The following EYS variants were observed in gnomAD, a reference collection of about 807,000 sequenced individuals.
The protein encoded by EYS is EGF-like photoreceptor maintenance factor.
EYS carries 250 observed loss-of-function variants against 282.1 expected under a neutral mutation model. That is an observed-to-expected ratio of 0.89 (90% confidence interval 0.80 to 0.98). The LOEUF is 0.98. Among genes scored for constraint, EYS ranks in the 50% least tolerant of loss-of-function variants. EYS has a pLI of 0.00. For missense variants in EYS, 4,016 were observed against 3,709.0 expected, an observed-to-expected ratio of 1.08 and a Z score of -2.15; for synonymous variants, 1,355 against 1,282.9, an observed-to-expected ratio of 1.06 and a Z score of -1.20.
chr6:64,269,898 A>G (rs1305031589), intron 30 of EYS, among the ~76,000 whole-genome samples: 1 of 152,028 alleles, frequency 6.6e-6, no homozygotes, highest in Non-Finnish European at 1.5e-5. Context: ...ACATATTTTG[A>G]CTTTGTAGTA....
At chr6:64,658,141 C>A (rs571084005) in intron 22 of EYS, among the ~76,000 whole-genome samples, 472 of 152,272 alleles carry the variant, frequency 3.1e-3, no homozygotes, top group Non-Finnish European at 5.1e-3. Flanking sequence ...TTCCAGTTAA[C>A]AAATCGGCTA....
At chr6:65,329,602 A>G (rs913477951) in intron 11 of EYS, 1 of 981,368 alleles carries the variant, frequency 1.0e-6, no homozygotes, top group Non-Finnish European at 1.2e-6. Flanking sequence ...ATATACCCAC[A>G]TAAAACTTTT....
intron 28 of EYS, among the ~76,000 whole-genome samples, chr6:64,420,834 C>A (rs1484829105): frequency 6.6e-6 from 1 of 152,180 alleles, no homozygotes; most frequent in East Asian, 1.9e-4. Context: ...CATCTGAGAC[C>A]ACCTCAGCCT....
chr6:63,863,670 T>TTTCTTTTCTTTTCTTTTCTTTTCTTTTC (rs4034985), intron 36 of EYS, among the ~76,000 whole-genome samples: 6 of 71,296 alleles, frequency 8.4e-5, no homozygotes, highest in South Asian at 4.1e-4. Flanking sequence ...TTTCTTTTCT[T>TTTCTTTTCTTTTCTTTTCTTTTCTTTTC]TTTTCTTTTT....
At chr6:65,301,941 T>C (rs1318628825) in intron 11 of EYS, among the ~76,000 whole-genome samples, 117 of 152,190 alleles carry the variant, frequency 7.7e-4, no homozygotes, top group African/African-American at 2.7e-3. Flanking sequence ...TCCTGGAAAA[T>C]TGACTAGTAT....
At chr6:64,321,502 G>C (rs1262895682) in intron 29 of EYS, among the ~76,000 whole-genome samples, 1 of 151,826 alleles carries the variant, frequency 6.6e-6, no homozygotes, top group Non-Finnish European at 1.5e-5. Context: ...ATTATGGTGA[G>C]TAAATTAATG....
chr6:64,765,860 G>A (rs959641900), intron 22 of EYS, among the ~76,000 whole-genome samples: 3 of 151,912 alleles, frequency 2.0e-5, no homozygotes, highest in African/African-American at 7.2e-5. Context: ...AACTTGAGAT[G>A]AGATTCTGGT....
chr6:64,977,288 T>C (rs1770501562), intron 14 of EYS, among the ~76,000 whole-genome samples: 1 of 151,984 alleles, frequency 6.6e-6, no homozygotes, highest in African/African-American at 2.4e-5. Context: ...CATTATTATA[T>C]GTGTTATGTT....
At chr6:65,195,273 T>A (rs1341013314) in intron 12 of EYS, among the ~76,000 whole-genome samples, 1 of 151,984 alleles carries the variant, frequency 6.6e-6, no homozygotes, top group African/African-American at 2.4e-5. Flanking sequence ...TACAATTCCA[T>A]CATCAACTTG....
At chr6:65,330,518 T>G in intron 11 of EYS, 2 of 984,368 alleles carry the variant, frequency 2.0e-6, no homozygotes, top group Non-Finnish European at 1.2e-6. Flanking sequence ...CAGAAAAATT[T>G]TTTGAAGATT....
chr6:64,444,421 T>A (rs1314907736), intron 26 of EYS, among the ~76,000 whole-genome samples: 1 of 152,156 alleles, frequency 6.6e-6, no homozygotes, highest in Non-Finnish European at 1.5e-5. Context: ...TTTATAGCTT[T>A]TAGAAAGAAA....
At chr6:63,733,040 G>A (rs1323669074) in intron 41 of EYS, among the ~76,000 whole-genome samples, 1 of 152,102 alleles carries the variant, frequency 6.6e-6, no homozygotes, top group Admixed American at 6.6e-5. Flanking sequence ...TAAAGAATTG[G>A]GCCAAGTGGC....
At chr6:65,705,346 T>C (rs558534562) in intron 1 of EYS, among the ~76,000 whole-genome samples, 3 of 152,210 alleles carry the variant, frequency 2.0e-5, no homozygotes, top group Non-Finnish European at 4.4e-5. Context: ...ACTCAGGGCT[T>C]GTTGGCCACC....
In EYS at chr6:64,679,203, T is replaced by A. The variant is rs1020029329; in HGVS notation, c.3444-52958A>T. On this transcript the variant is annotated intron_variant, in intron 22 of 42. Transcript: ENST00000503581. ...GTTTATCGTTCTGATGGTTCTTTTT[T>A]TTTATGGATGTATGAGTGTATTGTT... Among the ~76,000 whole-genome samples the A allele has an allele frequency of 5.9e-5, 9 of 152,258 alleles. No individual in the cohort carries two copies. In the South Asian group the frequency reaches 1.0e-3, roughly 18 times the overall value.
At chr6:64,793,465 C>T (rs1047197818) in intron 22 of EYS, among the ~76,000 whole-genome samples, 2 of 152,082 alleles carry the variant, frequency 1.3e-5, no homozygotes, top group African/African-American at 4.8e-5. Flanking sequence ...CATTGAGTTC[C>T]GTTAGCAGAT....
intron 35 of EYS, among the ~76,000 whole-genome samples, chr6:63,922,349 A>G (rs960220403): frequency 6.6e-6 from 1 of 152,154 alleles, no homozygotes; most frequent in Non-Finnish European, 1.5e-5. Flanking sequence ...GATCTCTTGA[A>G]GTCAGGAGTT....
At chr6:63,887,762 GTT>G (rs34358782) in intron 35 of EYS, among the ~76,000 whole-genome samples, 2 of 151,144 alleles carry the variant, frequency 1.3e-5, no homozygotes, top group Non-Finnish European at 2.9e-5. Context: ...AGATGCAGAA[GTT>G]TTTTTTCATA....
At chr6:64,232,037 G>A (rs911671434) in intron 30 of EYS, among the ~76,000 whole-genome samples, 6 of 152,030 alleles carry the variant, frequency 3.9e-5, no homozygotes, top group Admixed American at 1.3e-4. Flanking sequence ...TATCTACTAC[G>A]CACGTTAATG....
chr6:63,876,627 G>T (rs1481233059), intron 35 of EYS, among the ~76,000 whole-genome samples: 1 of 152,140 alleles, frequency 6.6e-6, no homozygotes, highest in African/African-American at 2.4e-5. Flanking sequence ...AGGTGTCTAA[G>T]GGCTTGCTTT....
Sources: allele counts gnomAD v4.1 joint callset (sites outside exome capture counted in the v4.1 genomes callset), GRCh38; gene constraint gnomAD v4.1.1; transcripts MANE v1.5; gene names NCBI Gene and HGNC (gene_info 2026-07-23, HGNC 2026-07-21).